Variants in FSD1L observed in about 807,000 individuals in gnomAD.
The protein encoded by FSD1L is fibronectin type III and SPRY domain containing 1 like, also known as FSD1-like protein.
Under a neutral mutation model 71.6 loss-of-function variants are expected in FSD1L, and 45 were observed. The ratio of observed to expected loss-of-function variants is 0.63; its 90% CI spans 0.49 to 0.81. The LOEUF (loss-of-function observed/expected upper bound fraction) is 0.81. FSD1L is among the 30% of genes least tolerant of loss of function. The probability of loss-of-function intolerance (pLI) is 0.00; values close to 1 mark genes in which losing one functional copy is unlikely to be tolerated. For synonymous variants in FSD1L, 197 were observed against 207.2 expected (o/e 0.95, Z 0.42); for missense variants, 561 against 618.1 (o/e 0.91, Z 0.98).
At chr9:105,536,111 C>T (rs899694351) in intron 12 of FSD1L, among the ~76,000 whole-genome samples, 2 of 152,206 alleles carry the variant, frequency 1.3e-5, no homozygotes, top group African/African-American at 4.8e-5. Flanking sequence ...ACTATCTCTG[C>T]AGGTAGTTGC....
chr9:105,466,722 A>G (rs1831106232), intron 3 of FSD1L, among the ~76,000 whole-genome samples: 3 of 151,952 alleles, frequency 2.0e-5, no homozygotes, highest in African/African-American at 7.3e-5. Flanking sequence ...TATTTTAGCT[A>G]TCTTGAACTA....
At chr9:105,517,345 A>G (rs1345691982) in intron 10 of FSD1L, among the ~76,000 whole-genome samples, 2 of 152,184 alleles carry the variant, frequency 1.3e-5, no homozygotes, top group Non-Finnish European at 2.9e-5. Context: ...ATACTCCTCA[A>G]GAAGAGCAAC....
intron 7 of FSD1L, among the ~76,000 whole-genome samples, chr9:105,492,329 G>A (rs1454532369): frequency 6.6e-6 from 1 of 152,092 alleles, no homozygotes; most frequent in African/African-American, 2.4e-5. Context: ...GTATTTCTGT[G>A]GCATCAGTGG....
chr9:105,530,589 C>A, intron 10 of FSD1L: 1 of 691,856 alleles, frequency 1.4e-6, no homozygotes, highest in South Asian at 1.6e-5. Flanking sequence ...AAATTTTTCT[C>A]TTTATTTGTA....
intron 7 of FSD1L, among the ~76,000 whole-genome samples, chr9:105,488,771 T>C (rs1832719012): frequency 6.6e-6 from 1 of 152,034 alleles, no homozygotes; most frequent in South Asian, 2.1e-4. Flanking sequence ...TGTATGTCTT[T>C]TTTGGTGAGA....
At position 105,507,470 on chromosome 9, in the gene FSD1L, C is replaced by G. The variant is rs1028158029; in HGVS notation, c.796+862C>G. 5.3e-5 allele frequency among the ~76,000 whole-genome samples: 8 copies of G among 152,288 alleles called. No individual in the cohort carries two copies. In the East Asian group the frequency reaches 1.5e-3, roughly 29 times the overall value. ...ATCTCATTTAATCAGCATAATACATCTCATTTATCTTTACAACAATTATGA... is the reference window on the plus strand; with the variant it reads ...ATCTCATTTAATCAGCATAATACATGTCATTTATCTTTACAACAATTATGA... On this transcript the variant is annotated intron_variant, in intron 8 of 13. Coordinates refer to ENST00000481272, the MANE Select transcript of FSD1L (RefSeq NM_001145313.3).
intron 10 of FSD1L, chr9:105,521,769 G>C: frequency 1.2e-6 from 2 of 1,612,950 alleles, no homozygotes; most frequent in East Asian, 4.5e-5. Flanking sequence ...CTCCTACCAA[G>C]GTGCTCTTCA....
At chr9:105,542,385 ATAATT>A (rs779600977) in intron 13 of FSD1L, among the ~76,000 whole-genome samples, 10 of 152,206 alleles carry the variant, frequency 6.6e-5, no homozygotes, top group Non-Finnish European at 5.9e-5. Flanking sequence ...TGCCATTCAT[ATAATT>A]TATTTCAAGT....
intron 12 of FSD1L, among the ~76,000 whole-genome samples, chr9:105,539,047 T>A (rs1310717724): frequency 1.3e-5 from 2 of 152,112 alleles, no homozygotes; most frequent in Non-Finnish European, 2.9e-5. Flanking sequence ...ATAGAGGTAT[T>A]ATAGAGGTCT....
At chr9:105,514,474 C>G (rs1834582176) in intron 10 of FSD1L, among the ~76,000 whole-genome samples, 1 of 152,112 alleles carries the variant, frequency 6.6e-6, no homozygotes, top group African/African-American at 2.4e-5. Context: ...TAAACACTGT[C>G]TCTGCTTTCA....
intron 5 of FSD1L, among the ~76,000 whole-genome samples, chr9:105,475,377 C>T (rs192867421): frequency 3.0e-4 from 46 of 152,258 alleles, no homozygotes; most frequent in Middle Eastern, 3.4e-3. Flanking sequence ...TAGTGTATTT[C>T]CCACATCTCA....
chr9:105,458,902 C>T (rs561337302), intron 1 of FSD1L, among the ~76,000 whole-genome samples: 7 of 152,282 alleles, frequency 4.6e-5, no homozygotes, highest in African/African-American at 1.2e-4. Flanking sequence ...GTGATGATGG[C>T]CTAGCTTTCT....
At chr9:105,517,011 G>A (rs577569703) in intron 10 of FSD1L, among the ~76,000 whole-genome samples, 4 of 152,248 alleles carry the variant, frequency 2.6e-5, no homozygotes, top group South Asian at 4.2e-4. Flanking sequence ...AACACAGCAC[G>A]AGAACTTCGT....
chr9:105,442,406 C>T, the FSD1L span, among the ~76,000 whole-genome samples: 10 of 152,166 alleles, frequency 6.6e-5, no homozygotes, highest in Admixed American at 2.0e-4. Flanking sequence ...CTGCTAGGCA[C>T]GGTGGCTCAC....
At position 105,528,419 on chromosome 9, in the gene FSD1L, T is replaced by C. The variant is rs544755643; in HGVS notation, c.1026-6074T>C. ...TACAGTAACCAAAACAGCATGGCAC[T>C]GGTACCAAAACAGATACATAGACCA... is the stretch of plus-strand genomic sequence containing the variant. On this transcript the variant is annotated intron_variant, in intron 10 of 13. Transcript: ENST00000481272. 6.6e-5 allele frequency among the ~76,000 whole-genome samples: 10 copies of C among 152,292 alleles called. No individual in the cohort carries two copies. The South Asian group carries it at 2.1e-3, about 32-fold the overall frequency.
In FSD1L at chr9:105,521,295, G is replaced by T; in HGVS notation, c.1025+8359G>T. The stretch of plus-strand genomic sequence containing the variant: ...AGCTGCTAGTTTAGTATCCAGAGAA[G>T]AAAGCAAAAATGATAATGCTGATAA... On this transcript the variant is annotated intron_variant, in intron 10 of 13. Coordinates refer to ENST00000481272, the MANE Select transcript of FSD1L (RefSeq NM_001145313.3). 8.7e-6 allele frequency: 14 copies of T among 1,614,180 alleles called. No individual in the cohort carries two copies. The South Asian group carries it at 1.5e-4, about 18-fold the overall frequency.
At chr9:105,495,474 C>T (rs545173212) in intron 7 of FSD1L, among the ~76,000 whole-genome samples, 1 of 152,232 alleles carries the variant, frequency 6.6e-6, no homozygotes, top group African/African-American at 2.4e-5. Context: ...ATGCCTCGCC[C>T]TGCTTCGGCT....
chr9:105,536,359 G>T (rs1449082344), intron 12 of FSD1L, among the ~76,000 whole-genome samples: 1 of 151,990 alleles, frequency 6.6e-6, no homozygotes, highest in Non-Finnish European at 1.5e-5. Flanking sequence ...GTTATTAGCT[G>T]CCCCTGTTAA....
At position 105,548,520 on chromosome 9, in the gene FSD1L, A is replaced by G. The variant is rs1837132413; in HGVS notation, c.*2037A>G. On this transcript the variant is annotated 3_prime_UTR_variant, in exon 14 of 14. Transcript: ENST00000481272. ...CCCCATGCAGTGTCAACTGATGTTT[A>G]AGCTACAGAGCATTGTTGTAGTGGT... The G allele has an allele frequency of 6.6e-6, 1 of 152,500 alleles. No individual in the cohort carries two copies. Among genetic ancestry groups the G allele is most frequent in the Non-Finnish European group, 1.5e-5 (1 of 67,958 alleles). 9.4% of individuals were successfully genotyped at this position (152,500 alleles called of 1,614,324 possible). A position where few individuals can be genotyped will look rare whatever the true frequency, so the allele number is the denominator to read the frequency against.
Sources: allele counts gnomAD v4.1 joint callset (sites outside exome capture counted in the v4.1 genomes callset), GRCh38; gene constraint gnomAD v4.1.1; transcripts MANE v1.5; gene names NCBI Gene and HGNC (gene_info 2026-07-23, HGNC 2026-07-21).